The following CSRP1 variants were observed in gnomAD, a reference collection of about 807,000 sequenced individuals.
The protein encoded by CSRP1 is cysteine and glycine-rich protein 1.
Under a neutral mutation model 25.4 loss-of-function variants are expected in CSRP1, and 16 were observed. That is an observed-to-expected ratio of 0.63 (90% CI 0.43 to 0.96). The LOEUF is 0.96. CSRP1 is among the 40% of genes least tolerant of loss of function. CSRP1 has a pLI of 0.00. For synonymous variants in CSRP1, 97 were observed against 95.3 expected (o/e 1.02, Z -0.10); for missense variants, 212 against 243.6 (o/e 0.87, Z 0.86).
Position 201,484,316 on chromosome 1 carries a change from C to T in CSRP1, c.*397G>A, listed in dbSNP as rs766489861. ...TTCCCCCCTCCTCATCTTGGTCTTG[C>T]TTCCCTCTCCCTCCAGCCTGTTGCT... is the stretch of plus-strand genomic sequence containing the variant. On this transcript the variant is annotated 3_prime_UTR_variant, in exon 6 of 6. Coordinates refer to ENST00000340006, the MANE Select transcript of CSRP1 (RefSeq NM_004078.3). The T allele has an allele frequency of 3.9e-6, 2 of 509,588 alleles. No homozygotes were observed. Among genetic ancestry groups the T allele is most frequent in the Non-Finnish European group, 7.0e-6 (2 of 284,336 alleles). 31.6% of individuals were successfully genotyped at this position (509,588 alleles called of 1,614,324 possible).
At chr1:201,485,407 C>T (rs371145081) in intron 4 of CSRP1, 31 bp from the exon 5 acceptor site, 10 of 1,599,530 alleles carry the variant, frequency 6.3e-6, no homozygotes, top group Non-Finnish European at 8.6e-6. Context: ...TTAATGGCTG[C>T]CACCAGTGAT....
intron 4 of CSRP1, chr1:201,485,638 C>A (rs1056312593): frequency 8.4e-6 from 4 of 478,334 alleles, no homozygotes; most frequent in Admixed American, 6.9e-5. Flanking sequence ...CCACAAAAGG[C>A]AGGTGAGGGG....
intron 1 of CSRP1, among the ~76,000 whole-genome samples, chr1:201,501,365 C>T (rs1384517891): frequency 6.6e-6 from 1 of 152,206 alleles, no homozygotes; most frequent in Non-Finnish European, 1.5e-5. Flanking sequence ...AAGTTACTTG[C>T]CCTTCTTTGG....
intron 2 of CSRP1, chr1:201,495,835 A>C (rs1664492588): frequency 1.6e-5 from 3 of 189,002 alleles, no homozygotes; most frequent in African/African-American, 7.0e-5. Context: ...AACAAGAGAT[A>C]ATTAGGGTGC....
intron 4 of CSRP1, chr1:201,487,033 T>C (rs1444916328): frequency 1.6e-6 from 2 of 1,270,478 alleles, no homozygotes; most frequent in Non-Finnish European, 1.0e-6. Flanking sequence ...TAAACAACAA[T>C]AATAATAACA....
At chr1:201,495,593 C>T (rs534237483) in intron 2 of CSRP1, 2 of 152,228 alleles carry the variant, frequency 1.3e-5, no homozygotes, top group Non-Finnish European at 2.9e-5. Flanking sequence ...GCTTGGTATT[C>T]TTTTGTCTGA....
intron 3 of CSRP1, 39 bp from the exon 4 acceptor site, chr1:201,489,023 G>A (rs1458282758): frequency 6.2e-7 from 1 of 1,610,694 alleles, no homozygotes; most frequent in Non-Finnish European, 8.5e-7. Context: ...GACTTACACT[G>A]TAAGTACAGG....
rs1483958645 is a variant in CSRP1, at chr1:201,485,318, G to A, written c.470C>T (p.Thr157Ile). ...AATCTCGCCATCCTTGTCTGCCAGG[G>A]TGGTTGACTCAAGGCCTTTGCCACA... ...AKCGKGLEST[T>I]LADKDGEIYC... Residue 157 changes from threonine to isoleucine, a missense_variant, in exon 5 of 6, where the codon ACC becomes ATC. Coordinates refer to ENST00000340006, the MANE Select transcript of CSRP1 (RefSeq NM_004078.3). 1.2e-6 allele frequency: 2 copies of A among 1,614,036 alleles called. No individual in the cohort carries two copies. Among genetic ancestry groups the A allele is most frequent in the Non-Finnish European group, 1.7e-6 (2 of 1,180,020 alleles).
chr1:201,498,431 C>T (rs924467941), intron 1 of CSRP1, among the ~76,000 whole-genome samples: 1 of 152,174 alleles, frequency 6.6e-6, no homozygotes, highest in Non-Finnish European at 1.5e-5. Flanking sequence ...GGATCTGTTG[C>T]CTCAGGAGGC....
At chr1:201,488,074 G>A (rs1027617291) in intron 4 of CSRP1, 2 of 152,180 alleles carry the variant, frequency 1.3e-5, no homozygotes, top group Admixed American at 6.5e-5. Flanking sequence ...GGCCTCACGT[G>A]ATGCTCCAGA....
chr1:201,503,741 G>A (rs140235369), intron 1 of CSRP1, among the ~76,000 whole-genome samples: 24 of 152,276 alleles, frequency 1.6e-4, no homozygotes, highest in Non-Finnish European at 2.5e-4. Flanking sequence ...TTGACAACTA[G>A]AAACAGCAGT....
At chr1:201,504,366 T>G (rs1161333075) in intron 1 of CSRP1, among the ~76,000 whole-genome samples, 1 of 152,228 alleles carries the variant, frequency 6.6e-6, no homozygotes, top group Non-Finnish European at 1.5e-5. Flanking sequence ...TGCAGATATC[T>G]GGTTATCCTT....
At chr1:201,488,643 A>G in intron 4 of CSRP1, 1 of 461,452 alleles carries the variant, frequency 2.2e-6, no homozygotes, top group Non-Finnish European at 3.9e-6. Context: ...ATTGTCCATC[A>G]ATGCTGGGGA....
chr1:201,496,123 C>T lies in CSRP1; in HGVS notation c.112+69G>A, dbSNP rs936876338. ...ATCAGTTCCCTGGGGTGTTGACAGG[C>T]CCAGCCTGTGGGGGCAGGCCCGTCC... On this transcript the variant is annotated intron_variant, in intron 2 of 5. Coordinates refer to ENST00000340006, the MANE Select transcript of CSRP1 (RefSeq NM_004078.3). 6 of 1,231,702 alleles carry T rather than the reference C, an allele frequency of 4.9e-6. No homozygotes were observed. The African/African-American group carries it at 8.9e-5, about 18-fold the overall frequency. 76.3% of individuals were successfully genotyped at this position (1,231,702 alleles called of 1,614,324 possible). A position where few individuals can be genotyped will look rare whatever the true frequency, so the allele number is the denominator to read the frequency against.
chr1:201,484,260 G>T lies in CSRP1; in HGVS notation c.*453C>A, dbSNP rs1664061394. ...GGAAGCTCAACCTCTTTCCCACAGAGGAGAATCTCTGAGATCCAAAAAACC... is the reference window on the plus strand; with the variant it reads ...GGAAGCTCAACCTCTTTCCCACAGATGAGAATCTCTGAGATCCAAAAAACC... On this transcript the variant is annotated 3_prime_UTR_variant, in exon 6 of 6. Coordinates refer to ENST00000340006, the MANE Select transcript of CSRP1 (RefSeq NM_004078.3). 1 of 505,336 alleles carries T rather than the reference G, an allele frequency of 2.0e-6. No homozygotes were observed. Among genetic ancestry groups the T allele is most frequent in the South Asian group, 3.8e-5 (1 of 26,502 alleles). The allele number at this position is 505,336 out of a possible 1,614,324, so 31.3% of individuals were successfully genotyped here. A position where few individuals can be genotyped will look rare whatever the true frequency, so the allele number is the denominator to read the frequency against.
At chr1:201,504,933 T>TA (rs1664773037) in intron 1 of CSRP1, among the ~76,000 whole-genome samples, 1 of 152,178 alleles carries the variant, frequency 6.6e-6, no homozygotes. Flanking sequence ...ATGCCGTCTC[T>TA]ACTAAAAATA....
Position 201,484,592 on chromosome 1 carries a change from G to T in CSRP1, c.*121C>A. 1.0e-6 allele frequency: 1 copy of T among 978,690 alleles called. No homozygotes were observed. Among genetic ancestry groups the T allele is most frequent in the Non-Finnish European group, 1.5e-6 (1 of 650,968 alleles). The allele number at this position is 978,690 out of a possible 1,614,324, so 60.6% of individuals were successfully genotyped here. A position where few individuals can be genotyped will look rare whatever the true frequency, so the allele number is the denominator to read the frequency against. ...AAGGGAGCCAGATGCCCAAGTTCAA[G>T]TCATTAGTGATATGTGGCAGGGCTG... On this transcript the variant is annotated 3_prime_UTR_variant, in exon 6 of 6. Coordinates refer to ENST00000340006, the MANE Select transcript of CSRP1 (RefSeq NM_004078.3).
chr1:201,488,432 T>G (rs1197508182), intron 4 of CSRP1: 1 of 154,958 alleles, frequency 6.5e-6, no homozygotes, highest in Non-Finnish European at 1.4e-5. Context: ...AAACAGAATG[T>G]ATATTTTTGG....
At chr1:201,500,498 T>C (rs1318655304) in intron 1 of CSRP1, among the ~76,000 whole-genome samples, 1 of 152,280 alleles carries the variant, frequency 6.6e-6, no homozygotes, top group Non-Finnish European at 1.5e-5. Context: ...GCCAGGCTGC[T>C]CTTTTGAGCC....
Sources: gnomAD v4.1 joint callset for allele counts (sites outside exome capture counted in the v4.1 genomes callset) on GRCh38, gnomAD v4.1.1 for gene constraint, MANE v1.5 for transcripts, NCBI Gene and HGNC (gene_info 2026-07-23, HGNC 2026-07-21) for gene names.